The following CHST11 variants were observed in gnomAD, a reference collection of about 807,000 sequenced individuals.
CHST11 encodes the protein C4S-1.
Under a neutral mutation model 30.4 loss-of-function variants are expected in CHST11, and 9 were observed. The observed-to-expected ratio is 0.30, with a 90% CI of 0.18 to 0.52. The LOEUF (loss-of-function observed/expected upper bound fraction) is 0.52. Ranked by LOEUF, CHST11 falls within the 20% of genes least tolerant of loss-of-function variation. The pLI is 0.97. For synonymous variants in CHST11, 152 were observed against 187.8 expected (o/e 0.81, Z 1.56); for missense variants, 348 against 460.6 (o/e 0.76, Z 2.24).
chr12:104,549,773 G>T (rs1172697831), intron 1 of CHST11, among the ~76,000 whole-genome samples: 1 of 152,124 alleles, frequency 6.6e-6, no homozygotes, highest in East Asian at 1.9e-4. Flanking sequence ...CAGGTGTGGT[G>T]GTGCGTGCCT....
chr12:104,658,700 A>C (rs1292724612), intron 2 of CHST11, among the ~76,000 whole-genome samples: 1 of 152,100 alleles, frequency 6.6e-6, no homozygotes, highest in East Asian at 1.9e-4. Flanking sequence ...AGACTCTCTC[A>C]TCCAATAACC....
intron 1 of CHST11, among the ~76,000 whole-genome samples, chr12:104,477,844 G>T (rs184476996): frequency 1.3e-5 from 2 of 152,342 alleles, no homozygotes. Flanking sequence ...CAATTGCTCT[G>T]CAGTTGGAAA....
intron 2 of CHST11, among the ~76,000 whole-genome samples, chr12:104,616,467 A>ATT (rs35122771): frequency 4.3e-4 from 60 of 139,384 alleles, no homozygotes; most frequent in African/African-American, 1.1e-3. Context: ...GGGAAACTAC[A>ATT]TTTTTTTTTT....
intron 2 of CHST11, among the ~76,000 whole-genome samples, chr12:104,755,782 GA>G (rs1208885037): frequency 2.7e-5 from 4 of 150,014 alleles, no homozygotes; most frequent in Non-Finnish European, 5.9e-5. Context: ...TAAGACTCTG[GA>G]AAAAAAAAGA....
intron 1 of CHST11, among the ~76,000 whole-genome samples, chr12:104,543,700 G>A (rs1301809054): frequency 6.6e-6 from 1 of 152,108 alleles, no homozygotes; most frequent in Non-Finnish European, 1.5e-5. Context: ...AGTCACTGAA[G>A]TCACTGTATA....
At chr12:104,474,994 TA>T (rs1466248907) in intron 1 of CHST11, among the ~76,000 whole-genome samples, 1 of 152,208 alleles carries the variant, frequency 6.6e-6, no homozygotes, top group Non-Finnish European at 1.5e-5. Flanking sequence ...TAGAATTAAG[TA>T]TTTCAGGGCT....
At chr12:104,498,582 C>T (rs749301326) in intron 1 of CHST11, among the ~76,000 whole-genome samples, 17 of 152,108 alleles carry the variant, frequency 1.1e-4, no homozygotes, top group South Asian at 2.1e-4. Flanking sequence ...GTGGAGTTCA[C>T]GGGAGGGCCA....
rs150055802 is a variant in CHST11, at chr12:104,705,272, C to T, written c.205-51677C>T. Among the ~76,000 whole-genome samples, 867 of 152,210 alleles carry T rather than the reference C, an allele frequency of 5.7e-3. 10 individuals are homozygous for T. Among genetic ancestry groups the T allele is most frequent in the Non-Finnish European group, 8.6e-3 (585 of 68,004 alleles). Reference sequence around the variant, plus strand: ...TTTGGAGCCAGGGAGACCCAGGCTTCGGCTCCAAATTCATCGCTGATTCCC... The same window carrying T: ...TTTGGAGCCAGGGAGACCCAGGCTTTGGCTCCAAATTCATCGCTGATTCCC... On this transcript the variant is annotated intron_variant, in intron 2 of 2. Transcript: ENST00000303694.
At chr12:104,741,521 CT>C (rs2040346893) in intron 2 of CHST11, among the ~76,000 whole-genome samples, 1 of 152,226 alleles carries the variant, frequency 6.6e-6, no homozygotes, top group Non-Finnish European at 1.5e-5. Flanking sequence ...AGTTCAGTTA[CT>C]GTGAAATTCC....
At chr12:104,564,799 C>T (rs962524983) in intron 1 of CHST11, among the ~76,000 whole-genome samples, 1 of 152,162 alleles carries the variant, frequency 6.6e-6, no homozygotes, top group African/African-American at 2.4e-5. Context: ...ACTCACAGTT[C>T]CACATGGCTG....
At chr12:104,519,436 C>T (rs2038055992) in intron 1 of CHST11, among the ~76,000 whole-genome samples, 1 of 152,088 alleles carries the variant, frequency 6.6e-6, no homozygotes, top group Non-Finnish European at 1.5e-5. Context: ...GGAGATCTGC[C>T]CCAGTGCGTC....
At chr12:104,507,528 G>T (rs967308282) in intron 1 of CHST11, among the ~76,000 whole-genome samples, 3 of 152,178 alleles carry the variant, frequency 2.0e-5, no homozygotes, top group African/African-American at 7.2e-5. Context: ...AAATGGTAAT[G>T]GTGGCAATAG....
At chr12:104,650,529 A>T (rs1046927632) in intron 2 of CHST11, among the ~76,000 whole-genome samples, 11 of 152,082 alleles carry the variant, frequency 7.2e-5, no homozygotes, top group African/African-American at 2.7e-4. Flanking sequence ...AGTCTCTAGA[A>T]GGGTCACCAG....
chr12:104,616,767 A>G (rs1012255534), intron 2 of CHST11, among the ~76,000 whole-genome samples: 2 of 152,124 alleles, frequency 1.3e-5, no homozygotes, highest in Admixed American at 6.5e-5. Flanking sequence ...CCCGGCCAGG[A>G]AACTTTTTAA....
At chr12:104,505,979 T>A (rs1323221036) in intron 1 of CHST11, among the ~76,000 whole-genome samples, 1 of 152,212 alleles carries the variant, frequency 6.6e-6, no homozygotes, top group East Asian at 1.9e-4. Flanking sequence ...GGGTGGGAAG[T>A]GAGGCTGGAA....
chr12:104,727,892 T>C (rs982845499), intron 2 of CHST11, among the ~76,000 whole-genome samples: 27 of 151,932 alleles, frequency 1.8e-4, no homozygotes, highest in African/African-American at 6.3e-4. Context: ...TCCAAGGAAA[T>C]GATATCTTAG....
In CHST11 at chr12:104,757,597, GATTCTA is replaced by G. The variant is rs1051107273; in HGVS notation, c.857_862del (p.Ser286_Asn287del). 6.2e-7 allele frequency: 1 copy of G among 1,614,036 alleles called. No homozygotes were observed. The highest frequency in any genetic ancestry group is 8.5e-7 in the Non-Finnish European group (1 of 1,180,032). On this transcript the variant is annotated inframe_deletion, in exon 3 of 3. Coordinates refer to ENST00000303694, the MANE Select transcript of CHST11 (RefSeq NM_018413.6). This position sits in a 1 kb window ranked among gnomAD's most constrained non-coding sequence, Gnocchi z 6.5. ...GGGCAAGTACGAGACACTGGAAGAG[GATTCTA>G]ATTACGTCCTGCAGCTGGCAGGAGT...
At chr12:104,465,622 C>G (rs758382820) in intron 1 of CHST11, among the ~76,000 whole-genome samples, 7 of 152,180 alleles carry the variant, frequency 4.6e-5, no homozygotes, top group Non-Finnish European at 1.0e-4. Context: ...GCCTCTGACC[C>G]TGGCCCAGAG....
chr12:104,498,058 G>T (rs2037817521), intron 1 of CHST11, among the ~76,000 whole-genome samples: 1 of 151,602 alleles, frequency 6.6e-6, no homozygotes, highest in African/African-American at 2.4e-5. Context: ...AGCTGGAATT[G>T]TAGGCATGTA....
Sources: gnomAD v4.1 joint callset for allele counts (sites outside exome capture counted in the v4.1 genomes callset) on GRCh38, gnomAD v4.1.1 for gene constraint, Gnocchi (gnomAD v3.1) non-coding constraint, MANE v1.5 for transcripts, NCBI Gene and HGNC (gene_info 2026-07-23, HGNC 2026-07-21) for gene names.